The following HIVEP3 variants were observed in gnomAD, a reference collection of about 807,000 sequenced individuals.
HIVEP3 encodes the protein transcription factor HIVEP3.
Under a neutral mutation model 152.8 loss-of-function variants are expected in HIVEP3, and 49 were observed. That is an observed-to-expected ratio of 0.32 (90% CI 0.26 to 0.41). The LOEUF (loss-of-function observed/expected upper bound fraction) is 0.41, where lower values mean the gene tolerates loss of function less well. HIVEP3 is among the 10% of genes least tolerant of loss of function. HIVEP3 has a pLI of 1.00. For missense variants in HIVEP3, 2,790 were observed against 3,103.3 expected (o/e 0.90, Z 2.40); for synonymous variants, 1,269 against 1,289.0 (o/e 0.98, Z 0.33).
chr1:41,654,540 T>G (rs1219225594), intron 2 of HIVEP3, among the ~76,000 whole-genome samples: 3 of 152,238 alleles, frequency 2.0e-5, no homozygotes, highest in African/African-American at 7.2e-5. Flanking sequence ...CCCATATAGC[T>G]TCTACTCAGT....
chr1:42,035,073 TTAAC>T (rs1645633485), intron 1 of HIVEP3, among the ~76,000 whole-genome samples: 1 of 152,186 alleles, frequency 6.6e-6, no homozygotes, highest in African/African-American at 2.4e-5. Flanking sequence ...ACCTTGTTAA[TTAAC>T]TAATTAGGGA....
At chr1:41,858,406 G>C (rs998070834) in intron 1 of HIVEP3, among the ~76,000 whole-genome samples, 5 of 152,196 alleles carry the variant, frequency 3.3e-5, no homozygotes, top group Admixed American at 6.5e-5. Context: ...AAAAGGATGA[G>C]ATGTGTGTGG....
rs1027444317 is a variant in HIVEP3 at position 41,886,101 on chromosome 1, A to G, written c.-801+32312T>C. ...TAGTAAGATATTTTAACTGCAATTG[A>G]TGAAGAGCACTGTATCTTTCAACTC... is the stretch of plus-strand genomic sequence containing the variant. On this transcript the variant is annotated intron_variant, in intron 1 of 8. Transcript: ENST00000372583. 5.3e-5 allele frequency among the ~76,000 whole-genome samples: 8 copies of G among 152,178 alleles called. 1 individual carries two copies. The highest frequency in any genetic ancestry group is 8.8e-5 in the Non-Finnish European group (6 of 68,032).
intron 5 of HIVEP3, among the ~76,000 whole-genome samples, chr1:41,526,308 C>T (rs1333050690): frequency 6.7e-6 from 1 of 149,142 alleles, no homozygotes; most frequent in Admixed American, 6.7e-5. Flanking sequence ...CACACTCACC[C>T]TCACACGCTC....
upstream of HIVEP3, among the ~76,000 whole-genome samples, chr1:41,919,911 G>A (rs12083682): frequency 0.042 from 6,433 of 152,222 alleles, 454 homozygotes; most frequent in African/African-American, 0.15. Context: ...CCAGCATGGC[G>A]CTGTCTGCTC....
At position 41,915,851 on chromosome 1, in the gene HIVEP3, T is replaced by G. The variant is rs546550726; in HGVS notation, c.-801+2562A>C. Among the ~76,000 whole-genome samples, 6 of 152,360 alleles carry G rather than the reference T, an allele frequency of 3.9e-5. No individual in the cohort carries two copies. In the East Asian group the frequency reaches 1.2e-3, roughly 29 times the overall value. On this transcript the variant is annotated intron_variant, in intron 1 of 8. Coordinates refer to ENST00000372583, the MANE Select transcript of HIVEP3 (RefSeq NM_024503.5). Reference sequence around the variant, plus strand: ...GACCCAGAATGCTAGTGCTGCCTGTTGATACAGCCAGTGTTTTCCAGCCCT... The same window carrying G: ...GACCCAGAATGCTAGTGCTGCCTGTGGATACAGCCAGTGTTTTCCAGCCCT...
intron 2 of HIVEP3, among the ~76,000 whole-genome samples, chr1:41,633,542 A>G (rs574554175): frequency 3.9e-5 from 6 of 152,254 alleles, no homozygotes; most frequent in South Asian, 2.1e-4. Flanking sequence ...TCTGCCTTCA[A>G]CTGCATGACT....
chr1:42,024,482 T>C (rs988190547), intron 1 of HIVEP3, among the ~76,000 whole-genome samples: 3 of 152,234 alleles, frequency 2.0e-5, no homozygotes, highest in Non-Finnish European at 4.4e-5. Flanking sequence ...TGTTAATTTA[T>C]CAGCCTGAAG....
intron 2 of HIVEP3, among the ~76,000 whole-genome samples, chr1:41,655,626 A>G (rs1056655779): frequency 9.1e-4 from 138 of 150,860 alleles, no homozygotes; most frequent in Non-Finnish European, 8.8e-4. Flanking sequence ...GAGAGAGAGA[A>G]AAGAGCCCCT....
At chr1:41,747,728 C>A (rs1387717784) in intron 1 of HIVEP3, among the ~76,000 whole-genome samples, 1 of 152,192 alleles carries the variant, frequency 6.6e-6, no homozygotes, top group Non-Finnish European at 1.5e-5. Flanking sequence ...TTAATAGCTG[C>A]ATAGTATTGT....
At chr1:41,744,572 CG>C (rs1163509116) in intron 1 of HIVEP3, among the ~76,000 whole-genome samples, 1 of 152,192 alleles carries the variant, frequency 6.6e-6, no homozygotes, top group Non-Finnish European at 1.5e-5. Flanking sequence ...TAATGTCTAA[CG>C]GAAGCTCATG....
At chr1:42,012,003 C>T (rs1645495233) in intron 1 of HIVEP3, among the ~76,000 whole-genome samples, 1 of 152,130 alleles carries the variant, frequency 6.6e-6, no homozygotes, top group South Asian at 2.1e-4. Context: ...GATGTCCCTG[C>T]TCCTCTCACC....
At chr1:41,867,039 C>T (rs923675199) in intron 1 of HIVEP3, among the ~76,000 whole-genome samples, 2 of 152,220 alleles carry the variant, frequency 1.3e-5, no homozygotes, top group Admixed American at 6.5e-5. Context: ...TCTGCATCCT[C>T]ACCACCACCA....
chr1:41,582,306 G>A lies in HIVEP3; in HGVS notation c.2492C>T (p.Pro831Leu), dbSNP rs756506027. Residue 831 changes from proline (P) to leucine (L), a missense_variant, in exon 4 of 9, where the codon CCC becomes CTC. Physicochemically the swap from Pro to Leu is moderately conservative, Grantham distance 98. Coordinates refer to ENST00000372583, the MANE Select transcript of HIVEP3 (RefSeq NM_024503.5). This position sits in a 1 kb window ranked among gnomAD's most constrained non-coding sequence, Gnocchi z 4.7. ...EDKPLAQFPS[P>L]PPAPHGRSAH... ...AGAGCGTCCGTGTGGGGCAGGTGGG[G>A]GTGATGGGAACTGGGCCAGAGGTTT... 6.2e-7 allele frequency: 1 copy of A among 1,614,174 alleles called. No homozygotes were observed. Among genetic ancestry groups the A allele is most frequent in the Non-Finnish European group, 8.5e-7 (1 of 1,180,010 alleles).
intron 1 of HIVEP3, among the ~76,000 whole-genome samples, chr1:41,819,323 G>T (rs1267016102): frequency 1.3e-5 from 2 of 151,296 alleles, no homozygotes; most frequent in African/African-American, 2.4e-5. Flanking sequence ...TGTTCCATTT[G>T]TCTTTTTTTT....
intron 1 of HIVEP3, among the ~76,000 whole-genome samples, chr1:42,020,338 T>G (rs1645546605): frequency 6.6e-6 from 1 of 152,140 alleles, no homozygotes; most frequent in African/African-American, 2.4e-5. Context: ...AATTTATTTG[T>G]TTGTCTGCTG....
chr1:41,997,341 T>C (rs572967036), intron 1 of HIVEP3, among the ~76,000 whole-genome samples: 1 of 152,296 alleles, frequency 6.6e-6, no homozygotes, highest in East Asian at 1.9e-4. Flanking sequence ...CTGCTCCACA[T>C]TGGCTAACGG....
intron 2 of HIVEP3, among the ~76,000 whole-genome samples, chr1:41,672,797 GAGGA>G (rs1375568821): frequency 6.6e-6 from 1 of 152,170 alleles, no homozygotes; most frequent in African/African-American, 2.4e-5. Context: ...AGTGAAAGAG[GAGGA>G]AGACTCAGCC....
chr1:41,745,012 A>G (rs2124212515), intron 1 of HIVEP3, among the ~76,000 whole-genome samples: 1 of 152,314 alleles, frequency 6.6e-6, no homozygotes, highest in Non-Finnish European at 1.5e-5. Context: ...AGCCAGTCTC[A>G]GGATTGTGGT....
Sources: gnomAD v4.1 joint callset for allele counts (sites outside exome capture counted in the v4.1 genomes callset) on GRCh38, gnomAD v4.1.1 for gene constraint, Gnocchi (gnomAD v3.1) non-coding constraint, MANE v1.5 for transcripts, NCBI Gene and HGNC (gene_info 2026-07-23, HGNC 2026-07-21) for gene names.